The following PCDHA3 variants were observed in gnomAD, a reference collection of about 807,000 sequenced individuals.
The protein encoded by PCDHA3 is protocadherin alpha 3, also known as protocadherin alpha-3.
PCDHA3 carries 41 observed loss-of-function variants against 62.2 expected under a neutral mutation model. The observed-to-expected ratio is 0.66, with a 90% CI of 0.51 to 0.86. The LOEUF is 0.86. PCDHA3 is among the 40% of genes least tolerant of loss of function. The pLI, the probability that PCDHA3 is intolerant of heterozygous loss-of-function variation, is 0.00. For missense variants in PCDHA3, 1,304 were observed against 1,241.2 expected (o/e 1.05, Z -0.76); for synonymous variants, 640 against 555.4 (o/e 1.15, Z -2.14).
intron 1 of PCDHA3, chr5:140,863,718 G>A (rs2048134284): frequency 3.6e-6 from 1 of 274,680 alleles, no homozygotes; most frequent in South Asian, 3.9e-5. Flanking sequence ...ACTGGGGCCG[G>A]GTGCGGTAGC....
chr5:140,842,154 C>A, intron 1 of PCDHA3: 1 of 1,613,876 alleles, frequency 6.2e-7, no homozygotes, highest in Non-Finnish European at 8.5e-7. Flanking sequence ...GGGGCAATTT[C>A]ATATTCTTTT....
intron 1 of PCDHA3, chr5:140,854,000 CAA>C (rs112540154): frequency 4.4e-4 from 155 of 351,630 alleles, no homozygotes; most frequent in Middle Eastern, 1.4e-3. Flanking sequence ...TCATCTCTGC[CAA>C]AAAAAAAAAA....
At chr5:140,869,857 A>T in intron 1 of PCDHA3, 1 of 1,610,928 alleles carries the variant, frequency 6.2e-7, no homozygotes, top group Non-Finnish European at 8.5e-7. Flanking sequence ...GGTGAGCCTT[A>T]TGGAAAATGC....
At chr5:140,889,218 G>T (rs1163027011) in intron 1 of PCDHA3, among the ~76,000 whole-genome samples, 1 of 151,574 alleles carries the variant, frequency 6.6e-6, no homozygotes, top group Non-Finnish European at 1.5e-5. Flanking sequence ...AAGAAGAATA[G>T]TCTTTGAAAA....
At chr5:140,865,966 T>C (rs1376241258) in intron 1 of PCDHA3, 5 of 152,194 alleles carry the variant, frequency 3.3e-5, no homozygotes, top group Non-Finnish European at 2.9e-5. Context: ...TTTTGTACAA[T>C]GTGTGATTGA....
chr5:140,885,138 T>C (rs1582817960), intron 1 of PCDHA3, among the ~76,000 whole-genome samples: 1 of 152,206 alleles, frequency 6.6e-6, no homozygotes, highest in Admixed American at 6.5e-5. Context: ...TTTCTTTTTT[T>C]AAACTGTTTT....
chr5:140,919,933 T>C (rs2153555434), intron 1 of PCDHA3, among the ~76,000 whole-genome samples: 1 of 152,222 alleles, frequency 6.6e-6, no homozygotes. Flanking sequence ...AGGTGGGGGC[T>C]AATTCCAGTG....
chr5:140,932,866 T>C (rs1584758563), intron 1 of PCDHA3, among the ~76,000 whole-genome samples: 1 of 151,996 alleles, frequency 6.6e-6, no homozygotes, highest in Non-Finnish European at 1.5e-5. Flanking sequence ...TTATTGTCTT[T>C]TGTTGTCTTC....
At chr5:140,841,918 C>T in intron 1 of PCDHA3, 4 of 1,613,844 alleles carry the variant, frequency 2.5e-6, no homozygotes, top group Non-Finnish European at 3.4e-6. Flanking sequence ...TAAGAAAATC[C>T]TTGGACAGAG....
intron 1 of PCDHA3, chr5:140,813,734 G>C (rs1350848138): frequency 2.0e-5 from 3 of 152,336 alleles, no homozygotes; most frequent in Non-Finnish European, 4.4e-5. Flanking sequence ...GGTGGCTCAT[G>C]CCTGTAATCC....
chr5:140,941,190 TTTTTCTTTCTTC>T (rs1475511565), intron 1 of PCDHA3, among the ~76,000 whole-genome samples: 3 of 129,438 alleles, frequency 2.3e-5, no homozygotes, highest in South Asian at 2.5e-4. Context: ...TGCTTCTTTT[TTTTTCTTTCTTC>T]CTTTCTTTCT....
chr5:140,849,672 G>A, intron 1 of PCDHA3: 1 of 1,598,650 alleles, frequency 6.3e-7, no homozygotes, highest in Non-Finnish European at 8.6e-7. Flanking sequence ...GACGCCCCAC[G>A]TCCCCTTCAA....
At chr5:140,843,070 G>T (rs2150351793) in intron 1 of PCDHA3, 5 of 1,595,368 alleles carry the variant, frequency 3.1e-6, no homozygotes, top group East Asian at 2.2e-5. Flanking sequence ...TGGTGCCGCG[G>T]TCTGTGGGCG....
intron 1 of PCDHA3, chr5:140,876,694 G>A (rs1196941664): frequency 6.2e-7 from 1 of 1,614,142 alleles, no homozygotes; most frequent in African/African-American, 1.3e-5. Flanking sequence ...CTACTCGTTG[G>A]TGCTGGACAG....
intron 1 of PCDHA3, chr5:140,821,776 A>T: frequency 6.2e-7 from 1 of 1,605,968 alleles, no homozygotes; most frequent in Non-Finnish European, 8.5e-7. Flanking sequence ...CGAGATTGAG[A>T]TGGTATATTC....
At position 140,929,210 on chromosome 5, in the gene PCDHA3, G is replaced by A. The variant is rs782078369; in HGVS notation, c.2395-49739G>A. The A allele has an allele frequency of 1.9e-6, 3 of 1,613,952 alleles. No individual in the cohort carries two copies. The South Asian group carries it at 3.3e-5, about 18-fold the overall frequency. The stretch of plus-strand genomic sequence containing the variant: ...GATAATAACAGTTTGCTGTTGCGTG[G>A]GGAGTACAATGCTGCCGACCTGCGA... On this transcript the variant is annotated intron_variant, in intron 1 of 3. Transcript: ENST00000522353.
chr5:141,000,774 G>A (rs1399583734), intron 3 of PCDHA3, among the ~76,000 whole-genome samples: 1 of 151,828 alleles, frequency 6.6e-6, no homozygotes, highest in Non-Finnish European at 1.5e-5. Context: ...AGGCATAGTG[G>A]CGCACACCTG....
intron 1 of PCDHA3, chr5:140,884,122 G>A (rs1212118784): frequency 6.2e-7 from 1 of 1,613,306 alleles, no homozygotes; most frequent in East Asian, 2.2e-5. Flanking sequence ...CGGTCGGCGC[G>A]CGCATCCCGT....
At chr5:140,833,364 G>C (rs1298324769) in intron 1 of PCDHA3, among the ~76,000 whole-genome samples, 1 of 152,118 alleles carries the variant, frequency 6.6e-6, no homozygotes, top group Admixed American at 6.6e-5. Context: ...AACACAGTAA[G>C]GTAGATCCAA....
Sources: gnomAD v4.1 joint callset for allele counts (sites outside exome capture counted in the v4.1 genomes callset) on GRCh38, gnomAD v4.1.1 for gene constraint, MANE v1.5 for transcripts, NCBI Gene and HGNC (gene_info 2026-07-23, HGNC 2026-07-21) for gene names.